CTR9: variants seen among roughly 807,000 people sequenced by gnomAD.
CTR9 encodes RNA polymerase-associated protein CTR9 homolog.
In CTR9, 41 loss-of-function variants were observed where a neutral mutation model predicts 152.1. The observed-to-expected ratio is 0.27, with a 90% CI of 0.21 to 0.35. The LOEUF is 0.35. CTR9 is among the 10% of genes least tolerant of loss of function. The pLI is 1.00. For missense variants in CTR9, 917 were observed against 1,424.4 expected (o/e 0.64, Z 5.73); for synonymous variants, 476 against 496.2 (o/e 0.96, Z 0.54).
At chr11:10,778,517 T>C (rs1036570687) in intron 24 of CTR9, among the ~76,000 whole-genome samples, 162 bp from the exon 25 acceptor site, 7 of 152,192 alleles carry the variant, frequency 4.6e-5, no homozygotes, top group East Asian at 1.9e-4. Context: ...ATTTACAGAA[T>C]AGTACACAAA....
At chr11:10,758,845 G>A (rs369472146) in intron 5 of CTR9, among the ~76,000 whole-genome samples, 2 of 152,222 alleles carry the variant, frequency 1.3e-5, no homozygotes, top group South Asian at 4.2e-4. Flanking sequence ...GGCACCTGGT[G>A]TTATATTTTA....
At position 10,778,874 on chromosome 11, in the gene CTR9, C is replaced by T. The variant is rs771528728; in HGVS notation, c.3291C>T (p.Ser1097=). ...AGCCATCCAGAAAGAGAAGGCCCTC[C>T]GGTTCTGAGCAGTCTGACAATGAAT... The part of the protein sequence containing the change: ...SDQPSRKRRP[S]GSEQSDNESV... The change falls in exon 25 of 25, where the codon TCC becomes TCT. Residue 1097 remains serine, a synonymous_variant. Coordinates refer to ENST00000361367, the MANE Select transcript of CTR9 (RefSeq NM_014633.5). The T allele has an allele frequency of 1.2e-5, 20 of 1,614,022 alleles. No individual in the cohort carries two copies. Among genetic ancestry groups the T allele is most frequent in the Middle Eastern group, 3.3e-4 (2 of 6,084 alleles).
Position 10,752,718 on chromosome 11 carries a change from T to C in CTR9, c.92T>C (p.Ile31Thr). Residue 31 changes from isoleucine (I) to threonine (T), a missense_variant, in exon 2 of 25, where the codon ATC becomes ACC. Physicochemically the swap from Ile to Thr is moderately conservative, Grantham distance 89. Around this residue, in one of 9 missense-constraint regions of CTR9, gnomAD observed 14 missense variants for 48.7 expected, o/e 0.29. Coordinates refer to ENST00000361367, the MANE Select transcript of CTR9 (RefSeq NM_014633.5). ...CAGTTACCGGAGGGAGATGAAGTTA[T>C]CAGTATTCTGAAACAGGAACACACA... ...FDQLPEGDEV[I>T]SILKQEHTQL... 2 of 1,614,078 alleles carry C rather than the reference T, an allele frequency of 1.2e-6. No homozygotes were observed. The highest frequency in any genetic ancestry group is 1.1e-5 in the South Asian group (1 of 91,080).
chr11:10,772,579 A>G lies in CTR9; in HGVS notation c.2504A>G (p.Asp835Gly). The change falls in exon 20 of 25, where the codon GAT becomes GGT. Residue 835 changes from aspartate (D) to glycine (G), a missense_variant. By Grantham distance (94) the Asp-to-Gly change is moderately conservative (BLOSUM62 -1). Around this residue, in one of 9 missense-constraint regions of CTR9, gnomAD observed 106 missense variants for 157.8 expected, o/e 0.67. Transcript: ENST00000361367. Reference protein sequence around the residue: ...QYHVARARKQDEEERELRAKQ... With the variant: ...QYHVARARKQGEEERELRAKQ... The stretch of plus-strand genomic sequence containing the variant: ...CATGTGGCCCGGGCACGCAAACAAG[A>G]TGAAGAAGAGCGGGAGCTGCGGGCC... 6.2e-7 allele frequency: 1 copy of G among 1,612,172 alleles called. No individual in the cohort carries two copies.
At position 10,775,256 on chromosome 11, in the gene CTR9, C is replaced by T. The variant is rs1863213433; in HGVS notation, c.2935C>T (p.Pro979Ser). 1.9e-6 allele frequency: 3 copies of T among 1,613,490 alleles called. No individual in the cohort carries two copies. The highest frequency in any genetic ancestry group is 2.7e-5 in the African/African-American group (2 of 74,760). ...GSDDDETENG[P>S]KPKKRRPPKA... ...TGATGATGATGAAACAGAAAATGGC[C>T]CCAAACCAAAAAAACGACGTCCACC... Residue 979 changes from proline (P) to serine (S), a missense_variant, in exon 23 of 25, where the codon CCC becomes TCC. Transcript: ENST00000361367.
At chr11:10,774,768 C>G (rs1484935077) in intron 22 of CTR9, among the ~76,000 whole-genome samples, 2 of 152,106 alleles carry the variant, frequency 1.3e-5, no homozygotes. Context: ...AACCCTTGGC[C>G]GACTATATTT....
At chr11:10,776,507 A>G (rs1863236946) in intron 24 of CTR9, among the ~76,000 whole-genome samples, 1 of 152,180 alleles carries the variant, frequency 6.6e-6, no homozygotes, top group African/African-American at 2.4e-5. Context: ...TTAATACTGT[A>G]CTACACTGTG....
rs770049070 is a variant in CTR9, at chr11:10,774,131, TGAG to T, written c.2852_2854del (p.Glu951del). The T allele has an allele frequency of 2.5e-6, 4 of 1,604,714 alleles. No homozygotes were observed. The highest frequency in any genetic ancestry group is 2.6e-6 in the Non-Finnish European group (3 of 1,171,812). On this transcript the variant is annotated inframe_deletion, in exon 22 of 25. Coordinates refer to ENST00000361367, the MANE Select transcript of CTR9 (RefSeq NM_014633.5). ...GTGGCAGTGAACAAGAAGGTGAAGA[TGAG>T]GAGGGTGGTGAGAGAAAGAAGAAAA... is the stretch of plus-strand genomic sequence containing the variant.
rs1477651412 is a variant in CTR9 at position 10,772,632 on chromosome 11, A to G, written c.2557A>G (p.Arg853Gly). ...AKQEQEKELL[R>G]QKLLKEQEEK... is the part of the protein sequence containing the mutation. ...GCAAGAGCAAGAAAAGGAGCTGTTA[A>G]GGCAGAAACTTCTTAAAGAACAGGT... The change falls in exon 20 of 25, where the codon AGG (arginine) becomes GGG (glycine). Residue 853 changes from arginine (R) to glycine (G), a missense_variant. Physicochemically the swap from Arg to Gly is moderately radical, Grantham distance 125. Transcript: ENST00000361367. 1 of 1,602,678 alleles carries G rather than the reference A, an allele frequency of 6.2e-7. No individual in the cohort carries two copies. Among genetic ancestry groups the G allele is most frequent in the African/African-American group, 1.4e-5 (1 of 73,798 alleles).
Position 10,760,273 on chromosome 11 carries a change from C to T in CTR9, c.693C>T (p.Cys231=), listed in dbSNP as rs149531420. ...FSRALELNSK[C]VGALVGLAVL... is the part of the protein sequence containing the mutation. ...GAGCCCTGGAACTCAATTCCAAATG[C>T]GTGGGAGCATTGGTTGGACTGGCTG... The change falls in exon 6 of 25, where the codon TGC becomes TGT. Residue 231 remains cysteine (C), a synonymous_variant. Coordinates refer to ENST00000361367, the MANE Select transcript of CTR9 (RefSeq NM_014633.5). The T allele has an allele frequency of 3.2e-5, 52 of 1,613,784 alleles. No individual in the cohort carries two copies. The highest frequency in any genetic ancestry group is 4.5e-5 in the East Asian group (2 of 44,866).
chr11:10,755,117 A>G lies in CTR9; in HGVS notation c.304A>G (p.Asn102Asp), dbSNP rs1247605741. ...TGTACAACAGGCTCGGAAAGAAAAG[A>G]ATAAGGACAATAAAAAGGATCTTAT... ...YYVQQARKEK[N>D]KDNKKDLITQ... Residue 102 changes from asparagine to aspartate, a missense_variant, in exon 3 of 25, where the codon AAT becomes GAT. Coordinates refer to ENST00000361367, the MANE Select transcript of CTR9 (RefSeq NM_014633.5). 10 of 1,613,972 alleles carry G rather than the reference A, an allele frequency of 6.2e-6. No individual in the cohort carries two copies. The highest frequency in any genetic ancestry group is 8.5e-6 in the Non-Finnish European group (10 of 1,179,984).
chr11:10,771,013 A>T (rs957835299), intron 18 of CTR9, among the ~76,000 whole-genome samples: 2 of 152,200 alleles, frequency 1.3e-5, no homozygotes, highest in Non-Finnish European at 2.9e-5. Context: ...TTTTACACCA[A>T]TGTGTCTTTT....
Position 10,779,111 on chromosome 11 carries a change from A to T in CTR9, c.*6A>T, listed in dbSNP as rs754471016. On this transcript the variant is annotated 3_prime_UTR_variant, in exon 25 of 25. Transcript: ENST00000361367. ...GGTCAGATGATAGTGACTAGGTTTT[A>T]TTTCATCAATAAGCTTCATCTCTGG... The T allele has an allele frequency of 1.9e-6, 3 of 1,588,356 alleles. No homozygotes were observed. In the African/African-American group the frequency reaches 4.1e-5, roughly 21 times the overall value.
At chr11:10,760,848 C>G (rs188630501) in intron 6 of CTR9, among the ~76,000 whole-genome samples, 1 of 152,170 alleles carries the variant, frequency 6.6e-6, no homozygotes, top group Admixed American at 6.5e-5. Flanking sequence ...TAATGTGCAG[C>G]CTTTCTTCAT....
chr11:10,773,304 C>T, intron 21 of CTR9, 31 bp downstream of exon 21: 3 of 1,598,374 alleles, frequency 1.9e-6, no homozygotes, highest in Non-Finnish European at 2.6e-6. Flanking sequence ...GCACAAGTGA[C>T]CTCATTCTCT....
intron 6 of CTR9, among the ~76,000 whole-genome samples, chr11:10,761,305 G>A (rs1862972717): frequency 6.6e-6 from 1 of 152,166 alleles, no homozygotes; most frequent in Non-Finnish European, 1.5e-5. Flanking sequence ...GGGAAGGGGG[G>A]AAGGGAACTT....
intron 5 of CTR9, among the ~76,000 whole-genome samples, chr11:10,759,048 T>C (rs1251239477): frequency 6.6e-6 from 1 of 152,186 alleles, no homozygotes; most frequent in African/African-American, 2.4e-5. Flanking sequence ...ATTGACAAAG[T>C]GAAGACAGCA....
chr11:10,754,491 A>T (rs1862854012), intron 2 of CTR9, among the ~76,000 whole-genome samples: 1 of 152,222 alleles, frequency 6.6e-6, no homozygotes, highest in Non-Finnish European at 1.5e-5. Context: ...ATCTGTATAT[A>T]CCTGTGAAAC....
intron 19 of CTR9, 111 bp downstream of exon 19, chr11:10,771,727 T>A: frequency 1.4e-6 from 1 of 726,334 alleles, no homozygotes; most frequent in Non-Finnish European, 2.4e-6. Flanking sequence ...CAGGTCAGTC[T>A]TTCACACTTC....
Sources: allele counts gnomAD v4.1 joint callset (sites outside exome capture counted in the v4.1 genomes callset), GRCh38; gene constraint gnomAD v4.1.1; regional missense constraint gnomAD v4.1.1; transcripts MANE v1.5; gene names NCBI Gene and HGNC (gene_info 2026-07-23, HGNC 2026-07-21).